SNX29: variants seen among roughly 807,000 people sequenced by gnomAD.
The protein encoded by SNX29 is sorting nexin-29.
A neutral mutation model predicts 102.1 loss-of-function variants in SNX29; 78 were observed. The observed-to-expected ratio is 0.76, with a 90% CI of 0.64 to 0.92. The LOEUF (loss-of-function observed/expected upper bound fraction) is 0.92, where lower values mean the gene tolerates loss of function less well. Among genes scored for constraint, SNX29 ranks in the 40% least tolerant of loss-of-function variants. The pLI, the probability that SNX29 is intolerant of heterozygous loss-of-function variation, is 0.00. For missense variants in SNX29, 1,280 were observed against 1,061.7 expected (o/e 1.21, Z -2.86); for synonymous variants, 580 against 414.5 (o/e 1.40, Z -4.85).
rs141082296 is a variant in SNX29 at position 12,383,384 on chromosome 16, G to A, written c.1900-15062G>A. ...CACTTCACTATATACATTACAGTTC[G>A]GTGACCACCGAATTAACACTGTTAA... is the stretch of plus-strand genomic sequence containing the variant. On this transcript the variant is annotated intron_variant, in intron 16 of 20. Transcript: ENST00000566228. Among the ~76,000 whole-genome samples, 82 of 152,162 alleles carry A rather than the reference G, an allele frequency of 5.4e-4. 1 individual carries two copies. Among genetic ancestry groups the A allele is most frequent in the African/African-American group, 1.8e-3 (75 of 41,514 alleles).
chr16:12,359,636 T>G (rs75650713), intron 16 of SNX29, among the ~76,000 whole-genome samples: 3,061 of 152,314 alleles, frequency 0.02, 53 homozygotes, highest in Middle Eastern at 0.041. Context: ...CAAAAACCCA[T>G]GTCCCTATCA....
chr16:12,159,587 C>T (rs996931798), intron 13 of SNX29, among the ~76,000 whole-genome samples: 1 of 152,140 alleles, frequency 6.6e-6, no homozygotes, highest in African/African-American at 2.4e-5. Context: ...GGGCTGGGCA[C>T]GGTAGCTCAC....
chr16:12,548,403 AACCT>A (rs921987737), intron 20 of SNX29, among the ~76,000 whole-genome samples: 92 of 152,270 alleles, frequency 6.0e-4, no homozygotes, highest in South Asian at 2.5e-3. Context: ...TCTCCTTTGT[AACCT>A]ACCTCTGGCT....
chr16:12,358,084 C>T (rs1010927886), intron 16 of SNX29, among the ~76,000 whole-genome samples: 3 of 152,252 alleles, frequency 2.0e-5, no homozygotes, highest in African/African-American at 4.8e-5. Context: ...ATTACACAAA[C>T]GTTTCTTTAA....
intron 18 of SNX29, among the ~76,000 whole-genome samples, chr16:12,427,609 G>C (rs1477615329): frequency 6.6e-6 from 1 of 152,230 alleles, no homozygotes; most frequent in Non-Finnish European, 1.5e-5. Context: ...TCAAACAACA[G>C]TGACCCAAAG....
intron 14 of SNX29, among the ~76,000 whole-genome samples, chr16:12,221,437 A>G (rs969229929): frequency 6.6e-6 from 1 of 152,188 alleles, no homozygotes; most frequent in African/African-American, 2.4e-5. Context: ...CATCATGGTA[A>G]AACCCCATCT....
intron 16 of SNX29, chr16:12,372,891 C>G (rs7187340): frequency 6.6e-6 from 1 of 152,176 alleles, no homozygotes; most frequent in Non-Finnish European, 1.5e-5. Context: ...GTGTCATTTA[C>G]ACTCCTACCT....
intron 20 of SNX29, among the ~76,000 whole-genome samples, chr16:12,532,431 G>T (rs2076957322): frequency 6.6e-6 from 1 of 152,174 alleles, no homozygotes; most frequent in African/African-American, 2.4e-5. Flanking sequence ...GTCGTGTTTT[G>T]TAAATCCTAC....
chr16:12,442,487 T>C (rs1265478961), intron 18 of SNX29, among the ~76,000 whole-genome samples: 2 of 152,224 alleles, frequency 1.3e-5, no homozygotes, highest in Non-Finnish European at 1.5e-5. Flanking sequence ...TTTTATGTCT[T>C]TGTAGGCCGT....
At position 12,421,007 on chromosome 16, in the gene SNX29, C is replaced by T. The variant is rs183225124; in HGVS notation, c.2037+17478C>T. 6.6e-5 allele frequency among the ~76,000 whole-genome samples: 10 copies of T among 152,242 alleles called. No individual in the cohort carries two copies. The East Asian group carries it at 9.6e-4, about 15-fold the overall frequency. ...GGTGCTATGCGGGGTACTTTTTCTGCGATACCTCACTTAATCCTCATGCCA... is the reference window on the plus strand; with the variant it reads ...GGTGCTATGCGGGGTACTTTTTCTGTGATACCTCACTTAATCCTCATGCCA... On this transcript the variant is annotated intron_variant, in intron 18 of 20. Transcript: ENST00000566228.
chr16:12,532,060 C>T (rs2076946485), intron 20 of SNX29, among the ~76,000 whole-genome samples: 2 of 152,100 alleles, frequency 1.3e-5, no homozygotes, highest in Non-Finnish European at 2.9e-5. Flanking sequence ...TCTGGGTCGC[C>T]GTTTACAGGA....
intron 20 of SNX29, among the ~76,000 whole-genome samples, chr16:12,567,013 C>T (rs192070447): frequency 1.3e-5 from 2 of 152,224 alleles, no homozygotes; most frequent in Non-Finnish European, 2.9e-5. Context: ...CAAAGTAGAT[C>T]ATTGTGAAGA....
Position 12,514,498 on chromosome 16 carries a change from C to T in SNX29, c.2179-10204C>T, listed in dbSNP as rs564740384. Among the ~76,000 whole-genome samples, 3 of 152,308 alleles carry T rather than the reference C, an allele frequency of 2.0e-5. No homozygotes were observed. In the South Asian group the frequency reaches 6.2e-4, roughly 32 times the overall value. ...CTTGGGGCCAATTCTTGTTTCTACC[C>T]CCCAACTAAGGAGTTGTGGACCTGG... On this transcript the variant is annotated intron_variant, in intron 19 of 20. Coordinates refer to ENST00000566228, the MANE Select transcript of SNX29 (RefSeq NM_032167.5).
chr16:12,450,821 C>T (rs1040585988), intron 18 of SNX29, among the ~76,000 whole-genome samples: 1 of 152,014 alleles, frequency 6.6e-6, no homozygotes. Context: ...CGATCAGGGA[C>T]CATTTGGAGG....
At chr16:12,302,986 A>G (rs988624491) in intron 15 of SNX29, among the ~76,000 whole-genome samples, 1 of 152,242 alleles carries the variant, frequency 6.6e-6, no homozygotes, top group Non-Finnish European at 1.5e-5. Flanking sequence ...GTTTATAAAC[A>G]CCTGCCCAAA....
chr16:12,308,136 C>CT (rs2080400590), intron 15 of SNX29, among the ~76,000 whole-genome samples: 1 of 152,238 alleles, frequency 6.6e-6, no homozygotes, highest in African/African-American at 2.4e-5. Flanking sequence ...GATGCATGGT[C>CT]TCTGCTCTGA....
At chr16:12,324,178 G>T (rs1182622168) in intron 15 of SNX29, among the ~76,000 whole-genome samples, 33 of 151,652 alleles carry the variant, frequency 2.2e-4, no homozygotes, top group Admixed American at 2.2e-3. Context: ...ATGGGCTTTT[G>T]GGGGGGTCCC....
At chr16:11,993,328 C>T (rs907782802) in intron 1 of SNX29, among the ~76,000 whole-genome samples, 2 of 152,044 alleles carry the variant, frequency 1.3e-5, no homozygotes, top group Non-Finnish European at 2.9e-5. Flanking sequence ...TTGTTTTCTC[C>T]TCCCCACGTG....
At chr16:12,553,926 C>G (rs140416332) in intron 20 of SNX29, among the ~76,000 whole-genome samples, 16 of 152,148 alleles carry the variant, frequency 1.1e-4, no homozygotes, top group Non-Finnish European at 2.2e-4. Context: ...CTCCTGGGTT[C>G]AAGCAATTCT....
Sources: allele counts gnomAD v4.1 joint callset (sites outside exome capture counted in the v4.1 genomes callset), GRCh38; gene constraint gnomAD v4.1.1; transcripts MANE v1.5; gene names NCBI Gene and HGNC (gene_info 2026-07-23, HGNC 2026-07-21).